LIMS2: variants seen among roughly 807,000 people sequenced by gnomAD.
The protein encoded by LIMS2 is LIM and senescent cell antigen-like-containing domain protein 2.
In LIMS2, 30 loss-of-function variants were observed where a neutral mutation model predicts 45.3. The observed-to-expected ratio is 0.66, with a 90% CI of 0.50 to 0.90. The LOEUF (loss-of-function observed/expected upper bound fraction) is 0.90, where lower values mean the gene tolerates loss of function less well. Ranked by LOEUF, LIMS2 falls within the 40% of genes least tolerant of loss-of-function variation. LIMS2 has a pLI of 0.00. For synonymous variants in LIMS2, 173 were observed against 188.0 expected, an observed-to-expected ratio of 0.92 and a Z score of 0.65; for missense variants, 485 against 468.7, an observed-to-expected ratio of 1.03 and a Z score of -0.32.
intron 1 of LIMS2, among the ~76,000 whole-genome samples, chr2:127,670,099 T>C (rs945545337): frequency 4.6e-5 from 7 of 152,220 alleles, no homozygotes; most frequent in Non-Finnish European, 1.0e-4. Context: ...AAGTTTAACA[T>C]AGAGTTACCA....
rs899117622 is a variant in LIMS2 at position 127,660,247 on chromosome 2, A to T, written c.12-2685T>A. On this transcript the variant is annotated intron_variant, in intron 1 of 9. Coordinates refer to ENST00000355119, the MANE Select transcript of LIMS2 (RefSeq NM_001161403.3). ...AATTAGCACTCTGTAAAATGGACCA[A>T]TCAGCAGGATGTGGGAGGGGCCAAA... 9.8e-5 allele frequency among the ~76,000 whole-genome samples: 15 copies of T among 152,348 alleles called. 1 individual carries two copies. Among genetic ancestry groups the T allele is most frequent in the Admixed American group, 9.2e-4 (14 of 15,298 alleles).
chr2:127,639,510 TCAGCCCCCAGCCTCCCCACAC>T (rs1682182774), intron 9 of LIMS2, 82 bp from the exon 10 acceptor site: 1 of 1,540,820 alleles, frequency 6.5e-7, no homozygotes, highest in Admixed American at 1.7e-5. Flanking sequence ...TGGGCTTCCC[TCAGCCCCCAGCCTCCCCACAC>T]CAGCCTCTCC....
chr2:127,645,818 GCCGGCCCCTCCCTGCCCC>G (rs1682907264), intron 4 of LIMS2: 1 of 152,358 alleles, frequency 6.6e-6, no homozygotes, highest in African/African-American at 2.4e-5. Flanking sequence ...TGCCATGACA[GCCGGCCCCTCCCTGCCCC>G]CCATCAGTAG....
In LIMS2 at chr2:127,640,053, C is replaced by T. The variant is rs760187254; in HGVS notation, c.878+17G>A. 9.3e-6 allele frequency: 15 copies of T among 1,612,700 alleles called. No homozygotes were observed. The highest frequency in any genetic ancestry group is 2.2e-5 in the South Asian group (2 of 91,058). On this transcript the variant is annotated intron_variant, in intron 9 of 9. Coordinates refer to ENST00000355119, the MANE Select transcript of LIMS2 (RefSeq NM_001161403.3). ...CCCCTCCACCCTGAGCCCCATCCCA[C>T]GATCACAGGGACTCACTTCAGGGTG...
chr2:127,680,207 A>G (rs1685587473), upstream of LIMS2, among the ~76,000 whole-genome samples: 1 of 152,232 alleles, frequency 6.6e-6, no homozygotes, highest in African/African-American at 2.4e-5. Flanking sequence ...TCCCTGGGCC[A>G]AAGGAAGAAT....
chr2:127,669,568 A>T (rs1009621868), intron 1 of LIMS2, among the ~76,000 whole-genome samples: 2 of 152,052 alleles, frequency 1.3e-5, no homozygotes, highest in African/African-American at 4.8e-5. Flanking sequence ...ACAAAAAAAA[A>T]ATAGCCAGGC....
chr2:127,638,825 G>A lies in LIMS2; in HGVS notation c.*456C>T. 5.8e-6 allele frequency: 1 copy of A among 172,472 alleles called. No homozygotes were observed. The highest frequency in any genetic ancestry group is 5.9e-5 in the Admixed American group (1 of 17,084). The allele number at this position is 172,472 out of a possible 1,614,324, so 10.7% of individuals were successfully genotyped here. A position where few individuals can be genotyped will look rare whatever the true frequency, so the allele number is the denominator to read the frequency against. The stretch of plus-strand genomic sequence containing the variant: ...AGAGGCCTCCATCTGCATGGCCCTG[G>A]CCCTGTGGCTCCAGCAGGCTGCCCT... On this transcript the variant is annotated 3_prime_UTR_variant, in exon 10 of 10. Coordinates refer to ENST00000355119, the MANE Select transcript of LIMS2 (RefSeq NM_001161403.3).
At chr2:127,644,915 G>A (rs1010242352) in intron 4 of LIMS2, among the ~76,000 whole-genome samples, 1 of 152,208 alleles carries the variant, frequency 6.6e-6, no homozygotes, top group Non-Finnish European at 1.5e-5. Flanking sequence ...CAGACAAACT[G>A]GGAAGCCCAT....
In LIMS2 at chr2:127,653,672, G is replaced by A. The variant is rs116929558; in HGVS notation, c.359+752C>T. ...GGGTCCCGGGTGCCAGAAGGGGGGC[G>A]TTTCTGCACCTCAGCAGCTGTGGTG... On this transcript the variant is annotated intron_variant, in intron 4 of 9. Transcript: ENST00000355119. This position sits in a 1 kb window ranked among gnomAD's most constrained non-coding sequence, Gnocchi z 5.3. Among the ~76,000 whole-genome samples, 178 of 152,172 alleles carry A rather than the reference G, an allele frequency of 1.2e-3. 2 individuals are homozygous for A. In the East Asian group the frequency reaches 0.031, roughly 26 times the overall value.
rs778038514 is a variant in LIMS2 at position 127,642,022 on chromosome 2, G to A, written c.660+27C>T. 2 of 1,606,896 alleles carry A rather than the reference G, an allele frequency of 1.2e-6. No individual in the cohort carries two copies. Among genetic ancestry groups the A allele is most frequent in the East Asian group, 4.5e-5 (2 of 44,630 alleles). ...TGAGCTGGGGCACCCCCCAACCTGA[G>A]GCCACGTGTCCACCAGCCTGGCTCA... On this transcript the variant is annotated intron_variant, in intron 6 of 9. Coordinates refer to ENST00000355119, the MANE Select transcript of LIMS2 (RefSeq NM_001161403.3). This position sits in a 1 kb window ranked among gnomAD's most constrained non-coding sequence, Gnocchi z 5.3.
chr2:127,650,931 G>T lies in LIMS2; in HGVS notation c.359+3493C>A, dbSNP rs770590493. 71 of 1,614,012 alleles carry T rather than the reference G, an allele frequency of 4.4e-5. 1 individual carries two copies. In the South Asian group the frequency reaches 7.8e-4, roughly 18 times the overall value. ...CCGAGACCACAAGTCCGGGACCCCG[G>T]CCAACGTGTTCCTGATGCATCTGGC... On this transcript the variant is annotated intron_variant, in intron 4 of 9. Coordinates refer to ENST00000355119, the MANE Select transcript of LIMS2 (RefSeq NM_001161403.3).
At chr2:127,651,224 G>A (rs1683742099) in intron 4 of LIMS2, 2 of 1,608,312 alleles carry the variant, frequency 1.2e-6, no homozygotes, top group Non-Finnish European at 1.7e-6. Flanking sequence ...CTGTGGCCAT[G>A]GCCCCGCTGC....
Position 127,653,354 on chromosome 2 carries a change from G to A in LIMS2, c.359+1070C>T, listed in dbSNP as rs1208691384. ...TGCAGAGGCAGCCTTGGTGGTCAGT[G>A]GAGGAGAATCCCAAACTGCTTGTGC... On this transcript the variant is annotated intron_variant, in intron 4 of 9. Coordinates refer to ENST00000355119, the MANE Select transcript of LIMS2 (RefSeq NM_001161403.3). The surrounding 1 kb of genome is among the most constrained non-coding windows in gnomAD (Gnocchi z 5.3). Among the ~76,000 whole-genome samples, 2 of 152,238 alleles carry A rather than the reference G, an allele frequency of 1.3e-5. No homozygotes were observed. The highest frequency in any genetic ancestry group is 2.4e-5 in the African/African-American group (1 of 41,462).
In LIMS2 at chr2:127,643,016, A is replaced by T. The variant is rs1207015525; in HGVS notation, c.416T>A (p.Ile139Asn). ...GATGACCAGGTGGCACCGCTGGCAG[A>T]TGTACTTGCCCAGGCCCTTGGCCTT... ...REKAKGLGKYICQRCHLVIDE... is the reference protein window; with the variant it reads ...REKAKGLGKYNCQRCHLVIDE... The change falls in exon 5 of 10, where the codon ATC becomes AAC. Residue 139 changes from isoleucine (I) to asparagine (N), a missense_variant. Physicochemically the swap from Ile to Asn is moderately radical, Grantham distance 149. Transcript: ENST00000355119. 6.3e-7 allele frequency: 1 copy of T among 1,585,478 alleles called. No individual in the cohort carries two copies. Among genetic ancestry groups the T allele is most frequent in the Admixed American group, 1.8e-5 (1 of 55,704 alleles).
At chr2:127,656,264 G>A (rs1244896937) in intron 2 of LIMS2, among the ~76,000 whole-genome samples, 2 of 152,158 alleles carry the variant, frequency 1.3e-5, no homozygotes, top group Non-Finnish European at 2.9e-5. Context: ...GACTGCTCCT[G>A]TGAGCTGGTG....
In LIMS2 at chr2:127,642,990, C is replaced by T. The variant is rs756568588; in HGVS notation, c.442G>A (p.Asp148Asn). ...CTCCTGAACATGAGGGGCTGCTCGT[C>T]GATGACCAGGTGGCACCGCTGGCAG... ...YICQRCHLVI[D>N]EQPLMFRSDA... Residue 148 changes from aspartate (D) to asparagine (N), a missense_variant, in exon 5 of 10, where the codon GAC becomes AAC. Asp to Asn is a conservative substitution (Grantham distance 23). Coordinates refer to ENST00000355119, the MANE Select transcript of LIMS2 (RefSeq NM_001161403.3). This position sits in a 1 kb window ranked among gnomAD's most constrained non-coding sequence, Gnocchi z 5.3. The T allele has an allele frequency of 2.3e-5, 37 of 1,576,000 alleles. 1 individual carries two copies. Among genetic ancestry groups the T allele is most frequent in the South Asian group, 8.1e-5 (7 of 85,958 alleles).
Position 127,639,322 on chromosome 2 carries a change from G to A in LIMS2, c.985C>T (p.Arg329Cys), listed in dbSNP as rs528266998. 1.6e-5 allele frequency: 26 copies of A among 1,613,894 alleles called. No individual in the cohort carries two copies. The highest frequency in any genetic ancestry group is 5.3e-5 in the African/African-American group (4 of 75,006). ...TCTGTGGCCTTGGGCTGGGCCTTGC[G>A]GGAGGTCAGCTCCGACAGCTTCTTC... The part of the protein sequence containing the change: ...RLKKLSELTS[R>C]KAQPKATDLN... Residue 329 changes from arginine to cysteine, a missense_variant, in exon 10 of 10, where the codon CGC becomes TGC. Coordinates refer to ENST00000355119, the MANE Select transcript of LIMS2 (RefSeq NM_001161403.3).
chr2:127,663,946 C>A (rs187616576), intron 1 of LIMS2, among the ~76,000 whole-genome samples: 1 of 152,158 alleles, frequency 6.6e-6, no homozygotes, highest in South Asian at 2.1e-4. Context: ...CACAGCATAG[C>A]CATGTTTGGG....
At chr2:127,649,353 C>T (rs1458318523) in intron 4 of LIMS2, among the ~76,000 whole-genome samples, 1 of 152,218 alleles carries the variant, frequency 6.6e-6, no homozygotes, top group Non-Finnish European at 1.5e-5. Context: ...TGGGCACAGG[C>T]AGGATGCCAG....
Sources: allele counts gnomAD v4.1 joint callset (sites outside exome capture counted in the v4.1 genomes callset), GRCh38; gene constraint gnomAD v4.1.1; non-coding constraint Gnocchi (gnomAD v3.1); transcripts MANE v1.5; gene names NCBI Gene and HGNC (gene_info 2026-07-23, HGNC 2026-07-21).